PROS1: variants seen among roughly 807,000 people sequenced by gnomAD.
PROS1 encodes the protein protein S, also known as vitamin K-dependent protein S.
Under a neutral mutation model 75.9 loss-of-function variants are expected in PROS1, and 29 were observed. The observed-to-expected ratio is 0.38, with a 90% confidence interval of 0.28 to 0.52. The LOEUF (loss-of-function observed/expected upper bound fraction) is 0.52, where lower values mean the gene tolerates loss of function less well. Among genes scored for constraint, PROS1 ranks in the 20% least tolerant of loss-of-function variants. PROS1 has a pLI of 0.83. For missense variants in PROS1, 680 were observed against 810.3 expected (o/e 0.84, Z 1.95); for synonymous variants, 245 against 280.6 (o/e 0.87, Z 1.27).
At chr3:93,889,987 C>T (rs532316570) in intron 10 of PROS1, among the ~76,000 whole-genome samples, 30 of 152,232 alleles carry the variant, frequency 2.0e-4, no homozygotes, top group South Asian at 1.0e-3. Context: ...AGCCTACAAA[C>T]GGACCTGCAA....
intron 1 of PROS1, among the ~76,000 whole-genome samples, chr3:93,968,849 T>C (rs1482126415): frequency 2.6e-5 from 4 of 152,222 alleles, no homozygotes; most frequent in Non-Finnish European, 5.9e-5. Context: ...GGATGACTAC[T>C]GTCCACAGGA....
At chr3:93,888,495 G>A (rs1044632039) in intron 10 of PROS1, among the ~76,000 whole-genome samples, 1 of 152,008 alleles carries the variant, frequency 6.6e-6, no homozygotes, top group African/African-American at 2.4e-5. Context: ...TTATATTACT[G>A]ATACATTTCA....
intron 1 of PROS1, among the ~76,000 whole-genome samples, chr3:93,954,142 C>T (rs1709559038): frequency 6.6e-6 from 1 of 152,128 alleles, no homozygotes. Context: ...CGAAAATGGC[C>T]ATACTGCCCA....
chr3:93,928,825 T>C (rs1709065266), intron 1 of PROS1: 3 of 943,650 alleles, frequency 3.2e-6, no homozygotes, highest in Non-Finnish European at 4.5e-6. Flanking sequence ...TAAACAATCA[T>C]ATAAACCATC....
At chr3:93,948,224 T>C (rs1709436378) in intron 1 of PROS1, among the ~76,000 whole-genome samples, 1 of 151,992 alleles carries the variant, frequency 6.6e-6, no homozygotes, top group African/African-American at 2.4e-5. Context: ...GAAGAAAACA[T>C]TTTAAAATCT....
chr3:93,903,440 G>T (rs1180273220), intron 6 of PROS1, among the ~76,000 whole-genome samples: 1 of 152,070 alleles, frequency 6.6e-6, no homozygotes, highest in East Asian at 1.9e-4. Context: ...GAAGTGGATG[G>T]ATCACTTCAA....
intron 1 of PROS1, among the ~76,000 whole-genome samples, chr3:93,942,408 T>C (rs187258568): frequency 3.9e-5 from 6 of 152,294 alleles, no homozygotes; most frequent in Non-Finnish European, 7.4e-5. Flanking sequence ...AAAACTCTTC[T>C]CAAGGCTGCT....
chr3:93,941,321 T>C (rs2107225616), intron 1 of PROS1, among the ~76,000 whole-genome samples: 1 of 152,268 alleles, frequency 6.6e-6, no homozygotes, highest in South Asian at 2.1e-4. Context: ...AGCTCAAATT[T>C]CTTCTCCATC....
In PROS1 at chr3:93,927,251, G is replaced by A. The variant is rs6122; in HGVS notation, c.233C>T (p.Thr78Met). Residue 78 changes from threonine to methionine, a missense_variant and splice_region_variant, in exon 2 of 15, where the codon ACG (threonine) becomes ATG (methionine). By Grantham distance (81) the Thr-to-Met change is moderately conservative. Transcript: ENST00000394236. The part of the protein sequence containing the change: ...AREVFENDPE[T>M]DYFYPKYLVC... ...TTGATAGTTTCCATAAATGCTTACC[G>A]TTTCCGGGTCATTTTCAAAGACCTC... 6.8e-5 allele frequency: 109 copies of A among 1,612,202 alleles called. No individual in the cohort carries two copies. Among genetic ancestry groups the A allele is most frequent in the East Asian group, 1.3e-4 (6 of 44,858 alleles).
At chr3:93,957,243 TTA>T (rs1233682492) in intron 1 of PROS1, among the ~76,000 whole-genome samples, 1 of 152,114 alleles carries the variant, frequency 6.6e-6, no homozygotes, top group Admixed American at 6.5e-5. Flanking sequence ...GTTACAAAAA[TTA>T]TATAGAGCAC....
intron 1 of PROS1, among the ~76,000 whole-genome samples, chr3:93,938,020 C>G (rs964333244): frequency 2.6e-5 from 4 of 152,114 alleles, no homozygotes; most frequent in African/African-American, 4.8e-5. Flanking sequence ...AATGACACAC[C>G]AATAGTTTCC....
intron 1 of PROS1, among the ~76,000 whole-genome samples, chr3:93,955,323 A>T (rs1709581652): frequency 6.6e-6 from 1 of 152,222 alleles, no homozygotes; most frequent in African/African-American, 2.4e-5. Flanking sequence ...CTTGGAACCA[A>T]CACAAATGCC....
intron 1 of PROS1, among the ~76,000 whole-genome samples, chr3:93,937,014 T>G (rs1709193996): frequency 6.6e-6 from 1 of 152,172 alleles, no homozygotes. Flanking sequence ...GAGAACCTGT[T>G]GGTGAATAAA....
At chr3:93,898,073 A>G (rs1708529860) in intron 8 of PROS1, among the ~76,000 whole-genome samples, 1 of 152,080 alleles carries the variant, frequency 6.6e-6, no homozygotes, top group Admixed American at 6.5e-5. Context: ...GAATCCAGAA[A>G]AGTAGACACT....
At chr3:93,947,441 AG>A (rs1369347867) in intron 1 of PROS1, among the ~76,000 whole-genome samples, 3 of 152,160 alleles carry the variant, frequency 2.0e-5, no homozygotes, top group Non-Finnish European at 2.9e-5. Context: ...CCCTAAAGAT[AG>A]GGATAACATC....
At chr3:93,947,429 C>T (rs1311550243) in intron 1 of PROS1, among the ~76,000 whole-genome samples, 4 of 152,084 alleles carry the variant, frequency 2.6e-5, no homozygotes, top group African/African-American at 9.7e-5. Flanking sequence ...CTAAAAACTG[C>T]TCCCTAAAGA....
chr3:93,913,927 G>GT (rs1395819140), intron 3 of PROS1, among the ~76,000 whole-genome samples: 7 of 152,206 alleles, frequency 4.6e-5, no homozygotes, highest in African/African-American at 1.7e-4. Flanking sequence ...GGTAAGAACA[G>GT]TAACTGGTCC....
intron 3 of PROS1, among the ~76,000 whole-genome samples, chr3:93,919,332 CATT>C (rs1486978684): frequency 6.6e-6 from 1 of 151,852 alleles, no homozygotes; most frequent in Non-Finnish European, 1.5e-5. Context: ...AGTAATATCT[CATT>C]ATTTTTCTGA....
At chr3:93,967,102 A>T (rs190045410) in intron 1 of PROS1, among the ~76,000 whole-genome samples, 25 of 152,350 alleles carry the variant, frequency 1.6e-4, no homozygotes, top group Admixed American at 8.5e-4. Context: ...GCCACACTGG[A>T]TCTGCCACAT....
Sources: allele counts gnomAD v4.1 joint callset (sites outside exome capture counted in the v4.1 genomes callset), GRCh38; gene constraint gnomAD v4.1.1; transcripts MANE v1.5; gene names NCBI Gene and HGNC (gene_info 2026-07-23, HGNC 2026-07-21).